Variants in FLRT3 observed in about 807,000 individuals in gnomAD.
The protein encoded by FLRT3 is fibronectin leucine rich transmembrane protein 3.
In FLRT3, 17 loss-of-function variants were observed where a neutral mutation model predicts 42.6. That is an observed-to-expected ratio of 0.40 (90% CI 0.27 to 0.60). FLRT3 has a LOEUF of 0.60. FLRT3 is among the 20% of genes least tolerant of loss of function. FLRT3 has a pLI of 0.44. For synonymous variants in FLRT3, 279 were observed against 286.4 expected, an observed-to-expected ratio of 0.97 and a Z score of 0.26; for missense variants, 635 against 789.2, an observed-to-expected ratio of 0.80 and a Z score of 2.34.
In FLRT3 at chr20:14,334,795, C is replaced by CTT. The variant is rs11087087; in HGVS notation, c.-247+2607_-247+2608dup. Among the ~76,000 whole-genome samples the CTT allele has an allele frequency of 4.9e-4, 73 of 148,758 alleles. 1 individual carries two copies. Among genetic ancestry groups the CTT allele is most frequent in the Middle Eastern group, 3.5e-3 (1 of 286 alleles). Reference sequence around the variant, plus strand: ...TTGATTTAAACAGTTATTTCTAATGCTTTTTTTTTTTAAATAAATGGGTTT... The same window carrying CTT: ...TTGATTTAAACAGTTATTTCTAATGCTTTTTTTTTTTTTAAATAAATGGGTTT... On this transcript the variant is annotated intron_variant, in intron 1 of 2. Coordinates refer to ENST00000341420, the MANE Select transcript of FLRT3 (RefSeq NM_198391.3).
intron 1 of FLRT3, among the ~76,000 whole-genome samples, chr20:14,333,443 G>C (rs2082879287): frequency 6.6e-6 from 1 of 152,116 alleles, no homozygotes; most frequent in African/African-American, 2.4e-5. Flanking sequence ...TAAACCCAAA[G>C]TAAATGAATT....
chr20:14,325,915 G>A lies in FLRT3; in HGVS notation c.1592C>T (p.Ala531Val), dbSNP rs755907964. The A allele has an allele frequency of 2.3e-5, 37 of 1,613,830 alleles. 1 individual carries two copies. The South Asian group carries it at 3.7e-4, about 16-fold the overall frequency. Residue 531 changes from alanine to valine, a missense_variant, in exon 3 of 3, where the codon GCC becomes GTC. Coordinates refer to ENST00000341420, the MANE Select transcript of FLRT3 (RefSeq NM_198391.3). The stretch of plus-strand genomic sequence containing the variant: ...CAGGGCCACAGCCCCACCAATGATG[G>A]CAGCCAAAGGTAAATTGGGGTTTTT... ...PYKNPNLPLA[A>V]IIGGAVALVT...
chr20:14,337,340 C>T, intron 1 of FLRT3, 64 bp downstream of exon 1: 2 of 240,320 alleles, frequency 8.3e-6, no homozygotes, highest in Non-Finnish European at 7.9e-6. Context: ...TCGTTTCTTT[C>T]TAGAGAGTAA....
chr20:14,333,367 TAAAAC>T (rs2082878364), intron 1 of FLRT3, among the ~76,000 whole-genome samples: 1 of 152,168 alleles, frequency 6.6e-6, no homozygotes, highest in Admixed American at 6.6e-5. Flanking sequence ...CAAGCATCCT[TAAAAC>T]AAAAAGGCAA....
At chr20:14,336,953 C>T (rs1202757637) in intron 1 of FLRT3, among the ~76,000 whole-genome samples, 1 of 152,164 alleles carries the variant, frequency 6.6e-6, no homozygotes, top group African/African-American at 2.4e-5. Flanking sequence ...AAGATGTATG[C>T]TTTTCATGTA....
chr20:14,325,990 A>T lies in FLRT3; in HGVS notation c.1517T>A (p.Met506Lys). ...ATTGAGGGTGGTTGTAGGGTTGTACATTCGAAGGGGTGCAGTTTCAGTCTC... is the reference window on the plus strand; with the variant it reads ...ATTGAGGGTGGTTGTAGGGTTGTACTTTCGAAGGGGTGCAGTTTCAGTCTC... Reference protein sequence around the residue: ...CIETETAPLRMYNPTTTLNRE... With the variant: ...CIETETAPLRKYNPTTTLNRE... Residue 506 changes from methionine (M) to lysine (K), a missense_variant, in exon 3 of 3, where the codon ATG (methionine) becomes AAG (lysine). Transcript: ENST00000341420. 1.2e-6 allele frequency: 2 copies of T among 1,613,898 alleles called. No individual in the cohort carries two copies. The highest frequency in any genetic ancestry group is 4.5e-5 in the East Asian group (2 of 44,866).
intron 1 of FLRT3, among the ~76,000 whole-genome samples, chr20:14,335,016 A>C (rs2082912173): frequency 6.6e-6 from 1 of 152,192 alleles, no homozygotes; most frequent in Admixed American, 6.6e-5. Context: ...GAACATTGGC[A>C]TATCAAAAAT....
intron 2 of FLRT3, 113 bp from the exon 3 acceptor site, chr20:14,327,671 A>C (rs2082759922): frequency 1.2e-6 from 1 of 823,464 alleles, no homozygotes; most frequent in Admixed American, 3.5e-5. Flanking sequence ...TAATATTTTC[A>C]TTTGTTTTGG....
chr20:14,334,434 A>T (rs2082899725), intron 1 of FLRT3, among the ~76,000 whole-genome samples: 1 of 152,216 alleles, frequency 6.6e-6, no homozygotes, highest in Non-Finnish European at 1.5e-5. Flanking sequence ...GCTGAGAAAC[A>T]TCCCTTTTTA....
chr20:14,326,561 C>T lies in FLRT3; in HGVS notation c.946G>A (p.Val316Ile), dbSNP rs769769921. The T allele has an allele frequency of 6.2e-7, 1 of 1,613,926 alleles. No individual in the cohort carries two copies. The highest frequency in any genetic ancestry group is 1.7e-5 in the Admixed American group (1 of 59,978). The change falls in exon 3 of 3, where the codon GTA becomes ATA. Residue 316 changes from valine to isoleucine, a missense_variant. Val to Ile is a conservative substitution (Grantham distance 29). Coordinates refer to ENST00000341420, the MANE Select transcript of FLRT3 (RefSeq NM_198391.3). The surrounding 1 kb of genome is among the most constrained non-coding windows in gnomAD (Gnocchi z 5.5). ...PWYCGCKMKW[V>I]RDWLQSLPVK... The stretch of plus-strand genomic sequence containing the variant: ...GGTAGTGATTGTAACCAGTCACGTA[C>T]CCATTTCATCTTGCACCCGCAATAC...
At chr20:14,327,594 T>A in intron 2 of FLRT3, 36 bp from the exon 3 acceptor site, 1 of 1,381,090 alleles carries the variant, frequency 7.2e-7, no homozygotes, top group Non-Finnish European at 9.7e-7. Context: ...CAGAAAACAA[T>A]AAGGCCAGCA....
At position 14,329,321 on chromosome 20, in the gene FLRT3, G is replaced by T. The variant is rs191901846; in HGVS notation, c.-240C>A. ...CTTCCTTAAAATATACTGGGACTGAGCATCTCCTGTGAAAGTAAAAGGTTT... is the reference window on the plus strand; with the variant it reads ...CTTCCTTAAAATATACTGGGACTGATCATCTCCTGTGAAAGTAAAAGGTTT... On this transcript the variant is annotated 5_prime_UTR_variant, in exon 2 of 3. Transcript: ENST00000341420. 6.6e-6 allele frequency: 1 copy of T among 152,144 alleles called. No homozygotes were observed. Among genetic ancestry groups the T allele is most frequent in the East Asian group, 1.9e-4 (1 of 5,178 alleles). The allele number at this position is 152,144 out of a possible 1,614,324, so 9.4% of individuals were successfully genotyped here. A position where few individuals can be genotyped will look rare whatever the true frequency, so the allele number is the denominator to read the frequency against.
At position 14,332,803 on chromosome 20, in the gene FLRT3, C is replaced by G. The variant is rs1376007912; in HGVS notation, c.-246-3476G>C. ...AACTTTGTGAATATTTCTAGGTAAA[C>G]TGGAATTTATACAATCATAATTTAG... is the stretch of plus-strand genomic sequence containing the variant. On this transcript the variant is annotated intron_variant, in intron 1 of 2. Transcript: ENST00000341420. Among the ~76,000 whole-genome samples the G allele has an allele frequency of 2.6e-5, 4 of 152,144 alleles. No individual in the cohort carries two copies. The East Asian group carries it at 7.7e-4, about 29-fold the overall frequency.
intron 1 of FLRT3, among the ~76,000 whole-genome samples, chr20:14,336,985 G>T (rs1193572349): frequency 3.3e-5 from 5 of 152,178 alleles, no homozygotes; most frequent in African/African-American, 1.2e-4. Flanking sequence ...TGGGCTGAGG[G>T]ATTATTGATT....
Position 14,326,306 on chromosome 20 carries a change from G to GT in FLRT3, c.1200_1201insA (p.Gln401ThrfsTer21). ...TTTCTTGAGGGACTCCCTGTGGTTT[G>GT]GTGATCCTTAGTGAGCTTGGGGTTC... On this transcript the variant is annotated frameshift_variant, in exon 3 of 3. Transcript: ENST00000341420. LOFTEE classifies it high-confidence loss of function. This position sits in a 1 kb window ranked among gnomAD's most constrained non-coding sequence, Gnocchi z 5.5. The GT allele has an allele frequency of 6.2e-7, 1 of 1,613,906 alleles. No homozygotes were observed. Among genetic ancestry groups the GT allele is most frequent in the Non-Finnish European group, 8.5e-7 (1 of 1,179,868 alleles).
chr20:14,330,087 T>A (rs1398332618), intron 1 of FLRT3, among the ~76,000 whole-genome samples: 2 of 152,034 alleles, frequency 1.3e-5, no homozygotes, highest in African/African-American at 4.8e-5. Context: ...ATTATTTCAA[T>A]CTCCTTGTAG....
At chr20:14,328,354 A>G (rs1326900067) in intron 2 of FLRT3, among the ~76,000 whole-genome samples, 1 of 152,066 alleles carries the variant, frequency 6.6e-6, no homozygotes, top group Non-Finnish European at 1.5e-5. Flanking sequence ...TGCAGGTTTT[A>G]ATGACTTTGT....
At chr20:14,333,681 G>C (rs1226164859) in intron 1 of FLRT3, among the ~76,000 whole-genome samples, 1 of 152,132 alleles carries the variant, frequency 6.6e-6, no homozygotes, top group Admixed American at 6.6e-5. Context: ...TAATATTTAA[G>C]TTTCCATACA....
chr20:14,327,169 T>A lies in FLRT3; in HGVS notation c.338A>T (p.Glu113Val), dbSNP rs1228248924. 25 of 1,613,656 alleles carry A rather than the reference T, an allele frequency of 1.5e-5. No homozygotes were observed. Among genetic ancestry groups the A allele is most frequent in the Non-Finnish European group, 2.1e-5 (25 of 1,179,784 alleles). ...PKYVKELHLQ[E>V]NNIRTITYDS... The stretch of plus-strand genomic sequence containing the variant: ...ATAAGTGATAGTCCTTATGTTATTT[T>A]CTTGCAAATGTAACTCTTTTACATA... The change falls in exon 3 of 3, where the codon GAA becomes GTA. Residue 113 changes from glutamate (E) to valine (V), a missense_variant. Glu to Val is a moderately radical substitution (Grantham distance 121, BLOSUM62 -2). Coordinates refer to ENST00000341420, the MANE Select transcript of FLRT3 (RefSeq NM_198391.3).
Sources: gnomAD v4.1 joint callset for allele counts (sites outside exome capture counted in the v4.1 genomes callset) on GRCh38, gnomAD v4.1.1 for gene constraint, Gnocchi (gnomAD v3.1) non-coding constraint, MANE v1.5 for transcripts, NCBI Gene and HGNC (gene_info 2026-07-23, HGNC 2026-07-21) for gene names.